SVOPL: variants seen among roughly 807,000 people sequenced by gnomAD.
SVOPL encodes putative transporter SVOPL.
SVOPL carries 60 observed loss-of-function variants against 61.0 expected under a neutral mutation model. The observed-to-expected ratio is 0.98, with a 90% CI of 0.80 to 1.22. The LOEUF is 1.22. Among genes scored for constraint, SVOPL ranks in the 50% most tolerant of loss-of-function variants. SVOPL has a pLI of 0.00. For missense variants in SVOPL, 662 were observed against 643.9 expected (o/e 1.03, Z -0.30); for synonymous variants, 279 against 250.0 (o/e 1.12, Z -1.09).
chr7:138,637,459 TATATATATAG>T (rs1563108652), intron 9 of SVOPL, among the ~76,000 whole-genome samples: 2 of 14,344 alleles, frequency 1.4e-4, no homozygotes, highest in South Asian at 2.8e-3. Context: ...TAGATAGATA[TATATATATAG>T]ATATAGATAT....
chr7:138,603,577 C>A (rs1464085237), intron 14 of SVOPL, among the ~76,000 whole-genome samples: 1 of 152,144 alleles, frequency 6.6e-6, no homozygotes, highest in African/African-American at 2.4e-5. Flanking sequence ...GAGGCTGAGG[C>A]ACAAGAATTG....
chr7:138,649,606 T>G (rs1347520517), intron 7 of SVOPL, among the ~76,000 whole-genome samples: 1 of 152,008 alleles, frequency 6.6e-6, no homozygotes, highest in Non-Finnish European at 1.5e-5. Flanking sequence ...CCGGGGTGAC[T>G]ATTTCATCAC....
chr7:138,624,648 T>C (rs1017695491), intron 13 of SVOPL, among the ~76,000 whole-genome samples: 1 of 152,016 alleles, frequency 6.6e-6, no homozygotes, highest in Non-Finnish European at 1.5e-5. Flanking sequence ...ATTTTCCTCA[T>C]ATATTATGCT....
chr7:138,623,611 A>C (rs1053169579), intron 13 of SVOPL, among the ~76,000 whole-genome samples: 1 of 152,142 alleles, frequency 6.6e-6, no homozygotes, highest in Non-Finnish European at 1.5e-5. Flanking sequence ...AAACAAAAAA[A>C]ATAAAATCAA....
At chr7:138,641,814 T>TTATATTTATATATATATA (rs1554464907) in intron 9 of SVOPL, among the ~76,000 whole-genome samples, 3 of 120,972 alleles carry the variant, frequency 2.5e-5, no homozygotes, top group East Asian at 5.4e-4. Context: ...TATATATATG[T>TTATATTTATATATATATA]TATATATATA....
intron 1 of SVOPL, among the ~76,000 whole-genome samples, chr7:138,693,728 G>C (rs1803005298): frequency 6.6e-6 from 1 of 151,936 alleles, no homozygotes; most frequent in Non-Finnish European, 1.5e-5. Flanking sequence ...AATTTCTTTG[G>C]GGATGTGGGA....
chr7:138,678,819 C>G, intron 2 of SVOPL, 145 bp downstream of exon 2: 2 of 824,714 alleles, frequency 2.4e-6, no homozygotes, highest in East Asian at 5.4e-5. Context: ...ATCCACCTGC[C>G]TCGGCCTCCC....
At chr7:138,637,915 G>A (rs1335047342) in intron 9 of SVOPL, among the ~76,000 whole-genome samples, 1 of 152,052 alleles carries the variant, frequency 6.6e-6, no homozygotes, top group Non-Finnish European at 1.5e-5. Flanking sequence ...TCGTGCCACT[G>A]CACTCCAGCC....
chr7:138,654,801 TCAACATAGTGAGACCACATCTCCACA>T (rs1418560028), intron 7 of SVOPL, among the ~76,000 whole-genome samples: 128 of 151,312 alleles, frequency 8.5e-4, no homozygotes, highest in Middle Eastern at 3.5e-3. Flanking sequence ...AAAAGCATGG[TCAACATAGTGAGACCACATCTCCACA>T]CAACATAGTG....
intron 11 of SVOPL, 52 bp downstream of exon 11, chr7:138,628,106 T>C: frequency 4.4e-6 from 7 of 1,602,466 alleles, no homozygotes; most frequent in Non-Finnish European, 6.0e-6. Flanking sequence ...AAGACTCAAG[T>C]GCACATAGAC....
intron 8 of SVOPL, chr7:138,646,274 G>A (rs567904981): frequency 6.1e-6 from 1 of 164,690 alleles, no homozygotes; most frequent in South Asian, 1.6e-4. Context: ...TAGCATCATA[G>A]ACTCCTCCAG....
At chr7:138,596,205 A>AAAG (rs1262138460) in intron 15 of SVOPL, among the ~76,000 whole-genome samples, 1 of 151,486 alleles carries the variant, frequency 6.6e-6, no homozygotes, top group South Asian at 2.1e-4. Flanking sequence ...AAAAAAAAAA[A>AAAG]AAGAAAGAAA....
intron 4 of SVOPL, among the ~76,000 whole-genome samples, chr7:138,664,816 G>A (rs1329834634): frequency 1.0e-5 from 1 of 95,330 alleles, no homozygotes; most frequent in African/African-American, 4.3e-5. Context: ...CCACCCCGGC[G>A]CTCGACCCTT....
Position 138,594,550 on chromosome 7 carries a change from A to T in SVOPL, c.*60T>A. The T allele has an allele frequency of 1.3e-6, 2 of 1,527,876 alleles. No individual in the cohort carries two copies. The highest frequency in any genetic ancestry group is 1.8e-6 in the Non-Finnish European group (2 of 1,128,500). The allele number at this position is 1,527,876 out of a possible 1,614,324, so 94.6% of individuals were successfully genotyped here. ...GTAAAACCAAGTTTTAAAAAAATGC[A>T]CCGCAGTTCTGAAGATAGAATTCAT... is the stretch of plus-strand genomic sequence containing the variant. On this transcript the variant is annotated 3_prime_UTR_variant, in exon 16 of 16. Coordinates refer to ENST00000674285, the MANE Select transcript of SVOPL (RefSeq NM_001139456.2).
intron 1 of SVOPL, among the ~76,000 whole-genome samples, chr7:138,687,033 C>T (rs1041715087): frequency 3.9e-5 from 6 of 152,122 alleles, no homozygotes; most frequent in African/African-American, 7.2e-5. Flanking sequence ...CTCTCAAGAG[C>T]GAACATAGAA....
At chr7:138,678,760 G>A (rs1450773903) in intron 2 of SVOPL, among the ~76,000 whole-genome samples, 1 of 152,058 alleles carries the variant, frequency 6.6e-6, no homozygotes, top group African/African-American at 2.4e-5. Context: ...TAGTAGAGAC[G>A]GGATTTCACC....
At chr7:138,603,910 T>C (rs562764933) in intron 14 of SVOPL, among the ~76,000 whole-genome samples, 50 of 151,148 alleles carry the variant, frequency 3.3e-4, no homozygotes, top group Non-Finnish European at 6.8e-4. Context: ...TGGCTTTCGA[T>C]AAACCTTTAC....
chr7:138,668,144 C>T (rs897824), intron 4 of SVOPL, among the ~76,000 whole-genome samples: 1,753 of 152,214 alleles, frequency 0.012, 21 homozygotes, highest in South Asian at 0.057. Context: ...GGCACCCACT[C>T]AGGAACTCAC....
intron 12 of SVOPL, 149 bp from the exon 13 acceptor site, chr7:138,626,199 G>T: frequency 1.4e-6 from 1 of 709,644 alleles, no homozygotes; most frequent in Non-Finnish European, 2.3e-6. Context: ...TGGCCTGATT[G>T]TGGGGTCCTT....
Sources: gnomAD v4.1 joint callset for allele counts (sites outside exome capture counted in the v4.1 genomes callset) on GRCh38, gnomAD v4.1.1 for gene constraint, MANE v1.5 for transcripts, NCBI Gene and HGNC (gene_info 2026-07-23, HGNC 2026-07-21) for gene names.